The following CALD1 variants were observed in gnomAD, a reference collection of about 807,000 sequenced individuals.
CALD1 encodes caldesmon.
In CALD1, 33 loss-of-function variants were observed where a neutral mutation model predicts 99.9. The ratio of observed to expected loss-of-function variants is 0.33; its 90% CI spans 0.25 to 0.44. The LOEUF (loss-of-function observed/expected upper bound fraction) is 0.44, where lower values mean the gene tolerates loss of function less well. CALD1 is among the 20% of genes least tolerant of loss of function. CALD1 has a pLI of 1.00. For synonymous variants in CALD1, 310 were observed against 325.0 expected (o/e 0.95, Z 0.50); for missense variants, 861 against 962.1 (o/e 0.89, Z 1.39).
chr7:134,924,146 G>A (rs79576459), intron 3 of CALD1, among the ~76,000 whole-genome samples: 1 of 152,132 alleles, frequency 6.6e-6, no homozygotes, highest in Non-Finnish European at 1.5e-5. Flanking sequence ...TTTGTGAAAT[G>A]ATATGTATGA....
intron 3 of CALD1, among the ~76,000 whole-genome samples, chr7:134,908,917 C>G (rs1286944886): frequency 1.3e-5 from 2 of 152,088 alleles, no homozygotes; most frequent in Non-Finnish European, 2.9e-5. Flanking sequence ...GTGCTTTCAA[C>G]CAAAATCAAC....
At chr7:134,773,414 C>T (rs1351985723) in intron 1 of CALD1, among the ~76,000 whole-genome samples, 2 of 151,972 alleles carry the variant, frequency 1.3e-5, no homozygotes, top group Non-Finnish European at 2.9e-5. Flanking sequence ...GCTGGGACTA[C>T]AGGCGTGTGC....
chr7:134,727,298 C>T, the CALD1 span, among the ~76,000 whole-genome samples: 19 of 152,352 alleles, frequency 1.2e-4, no homozygotes, highest in East Asian at 1.9e-4. Context: ...GTCAAACAGG[C>T]GATCGTAGCA....
chr7:134,887,997 T>C (rs988186021), intron 3 of CALD1, among the ~76,000 whole-genome samples: 1 of 152,228 alleles, frequency 6.6e-6, no homozygotes, highest in African/African-American at 2.4e-5. Flanking sequence ...AAACAACTGC[T>C]GCAGACTCTA....
rs542449497 is a variant in CALD1, at chr7:134,831,406, G to A, written c.-129-12478G>A. ...GCGATCTCGGCTCACTGCAACCTCC[G>A]CCTCCTAGGTTCAAGAAATTCTCTG... On this transcript the variant is annotated intron_variant, in intron 1 of 14. Transcript: ENST00000361675. Among the ~76,000 whole-genome samples the A allele has an allele frequency of 1.2e-4, 19 of 152,002 alleles. 1 individual carries two copies. The highest frequency in any genetic ancestry group is 6.8e-3 in the Middle Eastern group (2 of 294).
chr7:134,958,239 A>C lies in CALD1; in HGVS notation c.2010A>C (p.Ala670=). 2 of 1,614,020 alleles carry C rather than the reference A, an allele frequency of 1.2e-6. No homozygotes were observed. Among genetic ancestry groups the C allele is most frequent in the Non-Finnish European group, 1.7e-6 (2 of 1,180,018 alleles). ...SSGVKSTHQA[A]IVSKIDSRLE... is the part of the protein sequence containing the mutation. ...GTGTCAAATCGACCCATCAAGCAGC[A>C]ATAGTCTCCAAGATTGACAGCAGAC... Residue 670 remains alanine (A), a synonymous_variant, in exon 11 of 15, where the codon GCA becomes GCC. Transcript: ENST00000361675.
chr7:134,765,558 C>T (rs1026864254), intron 1 of CALD1, among the ~76,000 whole-genome samples: 1 of 152,128 alleles, frequency 6.6e-6, no homozygotes, highest in Non-Finnish European at 1.5e-5. Context: ...AGGCAAACCC[C>T]TTTTATGAGA....
intron 3 of CALD1, among the ~76,000 whole-genome samples, chr7:134,900,500 G>GA (rs746474597): frequency 1.8e-4 from 28 of 152,150 alleles, no homozygotes; most frequent in Middle Eastern, 6.8e-3. Flanking sequence ...GTGTAGCTGC[G>GA]CTGCAGGTTG....
chr7:134,932,909 TG>T, intron 4 of CALD1, 78 bp from the exon 5 acceptor site: 2 of 972,484 alleles, frequency 2.1e-6, no homozygotes, highest in Non-Finnish European at 3.1e-6. Context: ...GCTGTAGTCC[TG>T]GGTAGCACAG....
At chr7:134,717,683 G>C in the CALD1 span, among the ~76,000 whole-genome samples, 1 of 152,190 alleles carries the variant, frequency 6.6e-6, no homozygotes, top group African/African-American at 2.4e-5. Flanking sequence ...CTCCATGATA[G>C]GGAAGGCCCT....
At chr7:134,725,070 T>C in the CALD1 span, among the ~76,000 whole-genome samples, 1 of 152,196 alleles carries the variant, frequency 6.6e-6, no homozygotes, top group Admixed American at 6.5e-5. Context: ...TTTCTGAGAA[T>C]GATGACATGA....
chr7:134,781,698 T>C (rs908372831), intron 1 of CALD1, among the ~76,000 whole-genome samples: 15 of 152,234 alleles, frequency 9.9e-5, no homozygotes, highest in African/African-American at 3.4e-4. Flanking sequence ...AAGGAATGTA[T>C]GTACAATGGA....
At chr7:134,785,900 G>A (rs1199965779) in intron 1 of CALD1, among the ~76,000 whole-genome samples, 1 of 152,182 alleles carries the variant, frequency 6.6e-6, no homozygotes, top group Non-Finnish European at 1.5e-5. Context: ...TAAATTCATA[G>A]AATTTTTAAG....
intron 1 of CALD1, among the ~76,000 whole-genome samples, chr7:134,795,817 T>C (rs1201813039): frequency 6.6e-6 from 1 of 152,098 alleles, no homozygotes; most frequent in African/African-American, 2.4e-5. Context: ...TCACCCACAC[T>C]CTGCTGGGAA....
At position 134,961,843 on chromosome 7, in the gene CALD1, A is replaced by G. The variant is rs2232896; in HGVS notation, c.2295+1215A>G. 268 of 152,332 alleles carry G rather than the reference A, an allele frequency of 1.8e-3. 2 individuals carry two copies. Among genetic ancestry groups the G allele is most frequent in the African/African-American group, 5.9e-3 (244 of 41,588 alleles). 9.4% of individuals were successfully genotyped at this position (152,332 alleles called of 1,614,324 possible). ...GCTCTTTAGTGCCTCAAGTTTTCCA[A>G]GCATCTCTGGTAACATAAGGAGTAG... On this transcript the variant is annotated intron_variant, in intron 13 of 14. Transcript: ENST00000361675.
At chr7:134,788,606 A>G (rs1012357916) in intron 1 of CALD1, among the ~76,000 whole-genome samples, 3 of 152,248 alleles carry the variant, frequency 2.0e-5, no homozygotes, top group African/African-American at 7.2e-5. Context: ...TGCTCCTAGA[A>G]CATAAGCTCT....
chr7:134,947,439 C>T lies in CALD1; in HGVS notation c.1533-69C>T, dbSNP rs1806973959. 3.4e-6 allele frequency: 5 copies of T among 1,465,916 alleles called. No homozygotes were observed. In the East Asian group the frequency reaches 7.5e-5, roughly 22 times the overall value. The allele number at this position is 1,465,916 out of a possible 1,614,324, so 90.8% of individuals were successfully genotyped here. On this transcript the variant is annotated intron_variant, in intron 7 of 14. Transcript: ENST00000361675. ...CGGGGATGCAGAAGCCGCAGACCGA[C>T]CTCCCCTTCCTCCAGGGAGACTACA...
the CALD1 span, among the ~76,000 whole-genome samples, chr7:134,737,770 C>T: frequency 6.6e-6 from 1 of 152,148 alleles, no homozygotes; most frequent in African/African-American, 2.4e-5. Flanking sequence ...TCCTGTGAAA[C>T]CACCTTGCAT....
intron 1 of CALD1, among the ~76,000 whole-genome samples, chr7:134,803,003 C>A (rs1007160171): frequency 6.6e-6 from 1 of 152,168 alleles, no homozygotes; most frequent in Non-Finnish European, 1.5e-5. Flanking sequence ...TTAACACTTA[C>A]AAGCAATAAA....
Sources: gnomAD v4.1 joint callset for allele counts (sites outside exome capture counted in the v4.1 genomes callset) on GRCh38, gnomAD v4.1.1 for gene constraint, MANE v1.5 for transcripts, NCBI Gene and HGNC (gene_info 2026-07-23, HGNC 2026-07-21) for gene names.